HEATR5A: variants seen among roughly 807,000 people sequenced by gnomAD.
HEATR5A encodes the protein HEAT repeat-containing protein 5A.
HEATR5A carries 178 observed loss-of-function variants against 218.8 expected under a neutral mutation model. The observed-to-expected ratio is 0.81, with a 90% CI of 0.72 to 0.92. The LOEUF (loss-of-function observed/expected upper bound fraction) is 0.92, where lower values mean the gene tolerates loss of function less well. Ranked by LOEUF, HEATR5A falls within the 40% of genes least tolerant of loss-of-function variation. The probability of loss-of-function intolerance (pLI) is 0.00; values close to 1 mark genes in which losing one functional copy is unlikely to be tolerated. For missense variants in HEATR5A, 2,420 were observed against 2,418.9 expected, an observed-to-expected ratio of 1.00 and a Z score of -0.01; for synonymous variants, 864 against 871.6, an observed-to-expected ratio of 0.99 and a Z score of 0.15.
chr14:31,359,263 T>C (rs1487159686), intron 14 of HEATR5A, among the ~76,000 whole-genome samples: 3 of 147,084 alleles, frequency 2.0e-5, no homozygotes, highest in South Asian at 2.2e-4. Context: ...GAATGGATAC[T>C]AAAAGAACAT....
chr14:31,340,534 T>C (rs1197638680), intron 21 of HEATR5A: 4 of 1,101,064 alleles, frequency 3.6e-6, no homozygotes, highest in Non-Finnish European at 4.9e-6. Flanking sequence ...AATATTAGGA[T>C]GACTTTGACA....
chr14:31,339,907 C>T (rs188762670), intron 21 of HEATR5A, among the ~76,000 whole-genome samples: 1 of 152,268 alleles, frequency 6.6e-6, no homozygotes, highest in East Asian at 1.9e-4. Context: ...AATAAATCTA[C>T]TAGTCATTTC....
At chr14:31,398,038 CATTT>C (rs939651148) in intron 4 of HEATR5A, among the ~76,000 whole-genome samples, 1 of 152,158 alleles carries the variant, frequency 6.6e-6, no homozygotes, top group Non-Finnish European at 1.5e-5. Flanking sequence ...TAAATGCTTT[CATTT>C]CAAAACCAGT....
intron 28 of HEATR5A, among the ~76,000 whole-genome samples, chr14:31,309,574 A>T (rs1379721308): frequency 6.6e-6 from 1 of 152,214 alleles, no homozygotes; most frequent in Non-Finnish European, 1.5e-5. Flanking sequence ...AAAAGTTTTC[A>T]GCCTAATTAG....
rs1349674319 is a variant in HEATR5A, at chr14:31,302,238, A to C, written c.5464+57T>G. ...CAAGTAAAATATCTTATCCTCAAAA[A>C]ACTCTTCTTCTCACTTTTTAAGACA... On this transcript the variant is annotated intron_variant, in intron 33 of 35. Coordinates refer to ENST00000543095, the MANE Select transcript of HEATR5A (RefSeq NM_015473.4). 7 of 1,251,316 alleles carry C rather than the reference A, an allele frequency of 5.6e-6. No homozygotes were observed. The African/African-American group carries it at 9.0e-5, about 16-fold the overall frequency. The allele number at this position is 1,251,316 out of a possible 1,614,324, so 77.5% of individuals were successfully genotyped here.
At chr14:31,352,171 A>G (rs1189421955) in intron 16 of HEATR5A, among the ~76,000 whole-genome samples, 1 of 152,188 alleles carries the variant, frequency 6.6e-6, no homozygotes, top group African/African-American at 2.4e-5. Flanking sequence ...TCTGTGCCCT[A>G]TACTTCATTT....
intron 27 of HEATR5A, 89 bp from the exon 28 acceptor site, chr14:31,313,279 T>G: frequency 1.1e-6 from 1 of 946,258 alleles, no homozygotes; most frequent in South Asian, 1.5e-5. Flanking sequence ...GAGGCAGACT[T>G]ACCTTTGAGC....
At position 31,374,893 on chromosome 14, in the gene HEATR5A, T is replaced by C; in HGVS notation, c.1784A>G (p.Asp595Gly). ...WKCVFPASPKDLETEKSRGDS... is the reference protein window; with the variant it reads ...WKCVFPASPKGLETEKSRGDS... Reference sequence around the variant, plus strand: ...TCCTCGGCTCTTTTCTGTTTCTAGATCTTTAGGAGATGCTGGAAAGACACA... The same window carrying C: ...TCCTCGGCTCTTTTCTGTTTCTAGACCTTTAGGAGATGCTGGAAAGACACA... The change falls in exon 12 of 36, where the codon GAT becomes GGT. Residue 595 changes from aspartate to glycine, a missense_variant. Transcript: ENST00000543095. 6.2e-7 allele frequency: 1 copy of C among 1,613,466 alleles called. No homozygotes were observed. Among genetic ancestry groups the C allele is most frequent in the Non-Finnish European group, 8.5e-7 (1 of 1,179,692 alleles).
chr14:31,360,201 A>G (rs1458228788), intron 14 of HEATR5A, among the ~76,000 whole-genome samples: 3 of 152,104 alleles, frequency 2.0e-5, no homozygotes, highest in Non-Finnish European at 4.4e-5. Flanking sequence ...GTCTCTTTCA[A>G]TTTAGTATTC....
intron 6 of HEATR5A, 42 bp from the exon 7 acceptor site, chr14:31,389,047 A>G (rs1322793864): frequency 6.7e-7 from 1 of 1,499,402 alleles, no homozygotes; most frequent in South Asian, 1.2e-5. Flanking sequence ...TTTACAGACT[A>G]AATTTTAATG....
intron 33 of HEATR5A, among the ~76,000 whole-genome samples, chr14:31,301,818 T>TC (rs1207901531): frequency 1.5e-4 from 21 of 137,168 alleles, no homozygotes; most frequent in African/African-American, 5.7e-4. Flanking sequence ...CTTTTTTTTT[T>TC]TTTTTTTTTT....
intron 13 of HEATR5A, among the ~76,000 whole-genome samples, chr14:31,366,509 T>A (rs1403703715): frequency 2.0e-5 from 3 of 152,116 alleles, no homozygotes; most frequent in Admixed American, 6.6e-5. Flanking sequence ...GTACATTTTT[T>A]AAAAAAAGAT....
At chr14:31,364,750 T>TCTC (rs1262846806) in intron 13 of HEATR5A, among the ~76,000 whole-genome samples, 1 of 151,886 alleles carries the variant, frequency 6.6e-6, no homozygotes, top group Non-Finnish European at 1.5e-5. Context: ...CTTCACACTC[T>TCTC]CTCCTTTCAT....
rs999736756 is a variant in HEATR5A, at chr14:31,324,774, C to A, written c.3548-970G>T. Among the ~76,000 whole-genome samples the A allele has an allele frequency of 1.2e-4, 18 of 148,414 alleles. 1 individual carries two copies. Among genetic ancestry groups the A allele is most frequent in the Admixed American group, 8.2e-4 (12 of 14,580 alleles). Reference sequence around the variant, plus strand: ...AACACCTGGGCTCAGGCGACATTTTCTTTTAAAGAAGTCCTTGCAATTTCT... The same window carrying A: ...AACACCTGGGCTCAGGCGACATTTTATTTTAAAGAAGTCCTTGCAATTTCT... On this transcript the variant is annotated intron_variant, in intron 23 of 35. Transcript: ENST00000543095.
At chr14:31,314,322 G>A (rs989348783) in intron 27 of HEATR5A, among the ~76,000 whole-genome samples, 12 of 147,526 alleles carry the variant, frequency 8.1e-5, no homozygotes, top group Admixed American at 6.1e-4. Flanking sequence ...GTGCGATCTT[G>A]GCTCACTGCA....
At chr14:31,339,052 G>C (rs1224124233) in intron 21 of HEATR5A, among the ~76,000 whole-genome samples, 1 of 150,806 alleles carries the variant, frequency 6.6e-6, no homozygotes, top group African/African-American at 2.4e-5. Flanking sequence ...CTTGGGAGGT[G>C]GAGGTCGCAG....
Position 31,355,994 on chromosome 14 carries a change from G to A in HEATR5A, c.2411+2643C>T, listed in dbSNP as rs114565278. Among the ~76,000 whole-genome samples the A allele has an allele frequency of 9.9e-3, 1,509 of 152,176 alleles. 19 individuals are homozygous for A. The highest frequency in any genetic ancestry group is 0.034 in the African/African-American group (1,431 of 41,520). On this transcript the variant is annotated intron_variant, in intron 16 of 35. Transcript: ENST00000543095. Reference sequence around the variant, plus strand: ...AACAACAAAATGGCTTGAAATATTCGGTTGCTGTTTAAATTTAGATACTTT... The same window carrying A: ...AACAACAAAATGGCTTGAAATATTCAGTTGCTGTTTAAATTTAGATACTTT...
At position 31,302,530 on chromosome 14, in the gene HEATR5A, C is replaced by T. The variant is rs1899417153; in HGVS notation, c.5240-11G>A. The T allele has an allele frequency of 6.5e-7, 1 of 1,530,122 alleles. No homozygotes were observed. Among genetic ancestry groups the T allele is most frequent in the Non-Finnish European group, 8.9e-7 (1 of 1,125,630 alleles). 94.8% of individuals were successfully genotyped at this position (1,530,122 alleles called of 1,614,324 possible). A position where few individuals can be genotyped will look rare whatever the true frequency, so the allele number is the denominator to read the frequency against. On this transcript the variant is annotated splice_polypyrimidine_tract_variant and intron_variant, in intron 32 of 35. Coordinates refer to ENST00000543095, the MANE Select transcript of HEATR5A (RefSeq NM_015473.4). ...GAATTGAGATGCTTCCTGTAAGATACATTTTTTAAAAACACACTGGATTTC... is the reference window on the plus strand; with the variant it reads ...GAATTGAGATGCTTCCTGTAAGATATATTTTTTAAAAACACACTGGATTTC...
At chr14:31,417,418 A>C (rs533336770) in intron 1 of HEATR5A, among the ~76,000 whole-genome samples, 44 of 152,068 alleles carry the variant, frequency 2.9e-4, no homozygotes, top group African/African-American at 9.9e-4. Flanking sequence ...ACAAAAGCAA[A>C]AAACAAAACA....
Sources: allele counts gnomAD v4.1 joint callset (sites outside exome capture counted in the v4.1 genomes callset), GRCh38; gene constraint gnomAD v4.1.1; transcripts MANE v1.5; gene names NCBI Gene and HGNC (gene_info 2026-07-23, HGNC 2026-07-21).